ST6GALNAC3: variants seen among roughly 807,000 people sequenced by gnomAD.
The protein encoded by ST6GALNAC3 is ST6 N-acetylgalactosaminide alpha-2,6-sialyltransferase 3.
A neutral mutation model predicts 32.7 loss-of-function variants in ST6GALNAC3; 25 were observed. The observed-to-expected ratio is 0.76, with a 90% CI of 0.56 to 1.07. The LOEUF is 1.07. Among genes scored for constraint, ST6GALNAC3 ranks in the 50% least tolerant of loss-of-function variants. The pLI is 0.00. For missense variants in ST6GALNAC3, 355 were observed against 382.4 expected (o/e 0.93, Z 0.60); for synonymous variants, 129 against 133.1 (o/e 0.97, Z 0.21).
At chr1:76,226,171 T>A (rs1327542522) in intron 1 of ST6GALNAC3, among the ~76,000 whole-genome samples, 1 of 152,196 alleles carries the variant, frequency 6.6e-6, no homozygotes, top group Non-Finnish European at 1.5e-5. Flanking sequence ...TTCCTTCTTG[T>A]CTGGCAGATA....
intron 1 of ST6GALNAC3, among the ~76,000 whole-genome samples, chr1:76,190,163 AT>A (rs1334082564): frequency 3.3e-5 from 5 of 152,272 alleles, no homozygotes; most frequent in East Asian, 3.9e-4. Flanking sequence ...ATTTATGGTA[AT>A]TTGTCCTAGA....
chr1:76,470,111 A>C (rs1258308905), intron 3 of ST6GALNAC3, among the ~76,000 whole-genome samples: 1 of 152,096 alleles, frequency 6.6e-6, no homozygotes, highest in African/African-American at 2.4e-5. Context: ...TTGATACACC[A>C]GGGCCAACAC....
intron 1 of ST6GALNAC3, among the ~76,000 whole-genome samples, chr1:76,102,061 T>C (rs1647246364): frequency 6.6e-6 from 1 of 152,206 alleles, no homozygotes. Context: ...TTTTGTTTTA[T>C]ATGTTTCTGA....
At chr1:76,078,654 T>C (rs1314786951) in intron 1 of ST6GALNAC3, among the ~76,000 whole-genome samples, 2 of 152,194 alleles carry the variant, frequency 1.3e-5, no homozygotes, top group African/African-American at 4.8e-5. Flanking sequence ...ATATTAGTTA[T>C]ATTGCAGGGG....
At chr1:76,207,946 C>T (rs987138517) in intron 1 of ST6GALNAC3, among the ~76,000 whole-genome samples, 10 of 152,302 alleles carry the variant, frequency 6.6e-5, no homozygotes, top group Non-Finnish European at 1.5e-4. Flanking sequence ...CTGCACCATC[C>T]TGAGATGGCA....
At chr1:76,535,160 G>A (rs1054872478) in intron 3 of ST6GALNAC3, among the ~76,000 whole-genome samples, 7 of 152,074 alleles carry the variant, frequency 4.6e-5, no homozygotes, top group Non-Finnish European at 7.4e-5. Flanking sequence ...CCAATCTTTC[G>A]CTTTCAGAAT....
intron 1 of ST6GALNAC3, among the ~76,000 whole-genome samples, chr1:76,215,493 C>T (rs974257175): frequency 1.3e-5 from 2 of 152,094 alleles, no homozygotes; most frequent in Non-Finnish European, 2.9e-5. Context: ...ATTTCATGCC[C>T]CTCCCCTGCC....
chr1:76,533,746 T>C (rs1663416416), intron 3 of ST6GALNAC3, among the ~76,000 whole-genome samples: 1 of 152,172 alleles, frequency 6.6e-6, no homozygotes, highest in South Asian at 2.1e-4. Context: ...CCCAGGATAT[T>C]TTTCCTTGGA....
At chr1:76,458,569 A>G (rs1194036176) in intron 3 of ST6GALNAC3, among the ~76,000 whole-genome samples, 4 of 147,532 alleles carry the variant, frequency 2.7e-5, no homozygotes, top group Admixed American at 6.8e-5. Flanking sequence ...AAAATGATGA[A>G]TTCATGTCCT....
chr1:76,521,310 C>A (rs969752228), intron 3 of ST6GALNAC3, among the ~76,000 whole-genome samples: 1 of 151,560 alleles, frequency 6.6e-6, no homozygotes, highest in Non-Finnish European at 1.5e-5. Flanking sequence ...CACACACACA[C>A]GCGCGTACAT....
chr1:76,202,186 T>C (rs535971965), intron 1 of ST6GALNAC3, among the ~76,000 whole-genome samples: 1 of 151,992 alleles, frequency 6.6e-6, no homozygotes, highest in South Asian at 2.1e-4. Flanking sequence ...GGCAGTGATA[T>C]TTACCTGGAG....
chr1:76,148,252 C>G (rs990119844), intron 1 of ST6GALNAC3, among the ~76,000 whole-genome samples: 3 of 152,118 alleles, frequency 2.0e-5, no homozygotes, highest in Non-Finnish European at 4.4e-5. Flanking sequence ...ATTTTTATTT[C>G]CCCAAAGTTT....
chr1:76,550,034 T>C (rs1283437429), intron 3 of ST6GALNAC3, among the ~76,000 whole-genome samples: 1 of 152,234 alleles, frequency 6.6e-6, no homozygotes, highest in African/African-American at 2.4e-5. Flanking sequence ...GTTTTCTTAT[T>C]GATTTATACA....
chr1:76,176,996 G>A (rs939848023), intron 1 of ST6GALNAC3, among the ~76,000 whole-genome samples: 1 of 152,186 alleles, frequency 6.6e-6, no homozygotes, highest in African/African-American at 2.4e-5. Flanking sequence ...AATCACTTGA[G>A]CCCAGGAGTT....
chr1:76,570,210 G>A (rs1269359831), intron 3 of ST6GALNAC3, among the ~76,000 whole-genome samples: 1 of 151,998 alleles, frequency 6.6e-6, no homozygotes, highest in African/African-American at 2.4e-5. Context: ...AAACCTTTAT[G>A]GAATATCTTT....
chr1:76,450,219 T>C (rs894502477), intron 3 of ST6GALNAC3, among the ~76,000 whole-genome samples: 4 of 152,134 alleles, frequency 2.6e-5, no homozygotes, highest in African/African-American at 9.7e-5. Context: ...CTTTTCACCA[T>C]ATCCATGCCA....
intron 1 of ST6GALNAC3, among the ~76,000 whole-genome samples, chr1:76,112,069 T>C (rs1316327875): frequency 1.4e-5 from 2 of 142,368 alleles, no homozygotes; most frequent in Non-Finnish European, 3.1e-5. Context: ...GGCTGGGGGC[T>C]GACCCCCCCA....
chr1:76,397,474 G>T (rs1653062953), intron 2 of ST6GALNAC3, among the ~76,000 whole-genome samples: 1 of 145,798 alleles, frequency 6.9e-6, no homozygotes, highest in African/African-American at 2.5e-5. Flanking sequence ...GGTTCAAGTT[G>T]TTCTCCTGCC....
intron 1 of ST6GALNAC3, among the ~76,000 whole-genome samples, chr1:76,212,207 A>C (rs979220965): frequency 6.6e-6 from 1 of 152,186 alleles, no homozygotes; most frequent in African/African-American, 2.4e-5. Flanking sequence ...TATACTTTGG[A>C]TCTTGCCCCT....
Sources: gnomAD v4.1 joint callset for allele counts (sites outside exome capture counted in the v4.1 genomes callset) on GRCh38, gnomAD v4.1.1 for gene constraint, MANE v1.5 for transcripts, NCBI Gene and HGNC (gene_info 2026-07-23, HGNC 2026-07-21) for gene names.